NUP205: variants seen among roughly 807,000 people sequenced by gnomAD.
NUP205 encodes the protein nuclear pore complex protein Nup205.
A neutral mutation model predicts 253.8 loss-of-function variants in NUP205; 76 were observed. That is an observed-to-expected ratio of 0.30 (90% CI 0.25 to 0.36). The LOEUF (loss-of-function observed/expected upper bound fraction) is 0.36. Ranked by LOEUF, NUP205 falls within the 10% of genes least tolerant of loss-of-function variation. The pLI, the probability that NUP205 is intolerant of heterozygous loss-of-function variation, is 1.00. For missense variants in NUP205, 2,162 were observed against 2,425.5 expected (o/e 0.89, Z 2.28); for synonymous variants, 832 against 850.1 (o/e 0.98, Z 0.37).
At chr7:135,645,296 C>G (rs1794984875) in intron 40 of NUP205, among the ~76,000 whole-genome samples, 172 bp from the exon 41 acceptor site, 1 of 152,224 alleles carries the variant, frequency 6.6e-6, no homozygotes, top group Non-Finnish European at 1.5e-5. Flanking sequence ...CTTTCCTCAG[C>G]ACACCTTGCT....
intron 12 of NUP205, among the ~76,000 whole-genome samples, chr7:135,593,692 A>G (rs975975147): frequency 6.6e-6 from 1 of 152,184 alleles, no homozygotes; most frequent in African/African-American, 2.4e-5. Context: ...TCTGTTGTTC[A>G]CTAGAATAGT....
intron 3 of NUP205, among the ~76,000 whole-genome samples, chr7:135,574,736 T>G (rs946583028): frequency 1.3e-5 from 2 of 152,216 alleles, no homozygotes; most frequent in East Asian, 3.8e-4. Flanking sequence ...AGACATTACA[T>G]AATTCATTCT....
chr7:135,573,882 CAT>C (rs1806072629), intron 3 of NUP205, 57 bp downstream of exon 3: 1 of 1,341,566 alleles, frequency 7.5e-7, no homozygotes, highest in African/African-American at 1.5e-5. Flanking sequence ...TAAAATCACT[CAT>C]AGTTTAAAAT....
chr7:135,632,680 G>A (rs147794823), intron 35 of NUP205, among the ~76,000 whole-genome samples: 5 of 152,030 alleles, frequency 3.3e-5, no homozygotes, highest in Admixed American at 1.3e-4. Context: ...GGTGTGCTTC[G>A]TTCACCAGTT....
At chr7:135,575,743 T>A (rs1806133265) in intron 3 of NUP205, among the ~76,000 whole-genome samples, 1 of 151,956 alleles carries the variant, frequency 6.6e-6, no homozygotes, top group Non-Finnish European at 1.5e-5. Flanking sequence ...TGCAGTGAGA[T>A]CACGCCACTG....
intron 23 of NUP205, 106 bp from the exon 24 acceptor site, chr7:135,615,810 A>G: frequency 1.6e-6 from 1 of 619,792 alleles, no homozygotes; most frequent in Non-Finnish European, 2.5e-6. Flanking sequence ...TTCATAAATT[A>G]TTGACTTTGT....
chr7:135,603,530 GACA>G (rs779164265), intron 18 of NUP205, among the ~76,000 whole-genome samples: 21 of 146,700 alleles, frequency 1.4e-4, no homozygotes, highest in Non-Finnish European at 2.1e-4. Context: ...GTCTTTTTGA[GACA>G]ACATTTCGCT....
At chr7:135,616,615 T>G in intron 24 of NUP205, 40 bp from the exon 25 acceptor site, 1 of 1,194,124 alleles carries the variant, frequency 8.4e-7, no homozygotes, top group East Asian at 2.5e-5. Context: ...TAAGAGTATG[T>G]TCTTCTTTTT....
intron 1 of NUP205, among the ~76,000 whole-genome samples, chr7:135,560,672 C>T (rs1407922549): frequency 1.3e-5 from 2 of 152,158 alleles, no homozygotes; most frequent in Non-Finnish European, 1.5e-5. Flanking sequence ...AATCCTGTCA[C>T]ATAAAACAAC....
chr7:135,562,545 C>CTTTTTTTTTT (rs34482653), intron 1 of NUP205, among the ~76,000 whole-genome samples: 1 of 97,396 alleles, frequency 1.0e-5, no homozygotes, highest in African/African-American at 3.9e-5. Context: ...GACCAAAATC[C>CTTTTTTTTTT]TTTTTTTTTT....
At chr7:135,608,560 T>G (rs1050894756) in intron 22 of NUP205, among the ~76,000 whole-genome samples, 3 of 151,194 alleles carry the variant, frequency 2.0e-5, no homozygotes, top group Non-Finnish European at 4.4e-5. Context: ...ATACAAAAAT[T>G]AGCTGGGCGT....
chr7:135,570,700 A>ATATTTATAT (rs1165276962), intron 1 of NUP205, among the ~76,000 whole-genome samples: 7 of 76,124 alleles, frequency 9.2e-5, no homozygotes, highest in African/African-American at 2.7e-4. Context: ...TAATATAATT[A>ATATTTATAT]ATTATATTAA....
intron 1 of NUP205, among the ~76,000 whole-genome samples, chr7:135,564,035 C>A (rs1227442489): frequency 5.3e-5 from 8 of 151,764 alleles, no homozygotes; most frequent in Admixed American, 5.3e-4. Context: ...AAACTCAAGA[C>A]AGATTGAAGA....
chr7:135,594,544 T>C lies in NUP205; in HGVS notation c.1831-3T>C, dbSNP rs1223249113. 6.3e-7 allele frequency: 1 copy of C among 1,575,880 alleles called. No homozygotes were observed. On this transcript the variant is annotated splice_polypyrimidine_tract_variant and splice_region_variant and intron_variant, in intron 12 of 42. Coordinates refer to ENST00000285968, the MANE Select transcript of NUP205 (RefSeq NM_015135.3). ...GTCTCATTCTTTTTGTGTCAATTCT[T>C]AGAGTGAAAATGCTCGCTTGGCACT...
chr7:135,583,902 C>A (rs372257057), intron 7 of NUP205, among the ~76,000 whole-genome samples: 1 of 145,278 alleles, frequency 6.9e-6, no homozygotes, highest in Non-Finnish European at 1.5e-5. Context: ...CGTGCAATGG[C>A]GTGATCGTGG....
At chr7:135,640,354 AT>A (rs1794896637) in intron 38 of NUP205, among the ~76,000 whole-genome samples, 1 of 152,176 alleles carries the variant, frequency 6.6e-6, no homozygotes, top group Non-Finnish European at 1.5e-5. Context: ...TGTTGTTGTA[AT>A]TTATGTACAA....
intron 1 of NUP205, among the ~76,000 whole-genome samples, chr7:135,567,267 C>A (rs1291285386): frequency 7.0e-6 from 1 of 142,130 alleles, no homozygotes; most frequent in Non-Finnish European, 1.5e-5. Flanking sequence ...CCGTCCTCTC[C>A]CTGCACATCT....
intron 19 of NUP205, among the ~76,000 whole-genome samples, chr7:135,604,940 A>T (rs1794055575): frequency 6.6e-6 from 1 of 151,006 alleles, no homozygotes; most frequent in Non-Finnish European, 1.5e-5. Context: ...TCAAGTTATA[A>T]TAGTTCTGTT....
chr7:135,613,323 A>G (rs934191606), intron 22 of NUP205, among the ~76,000 whole-genome samples: 1 of 151,506 alleles, frequency 6.6e-6, no homozygotes, highest in Non-Finnish European at 1.5e-5. Flanking sequence ...ACTTTTTCTT[A>G]TATTTAATAT....
Sources: gnomAD v4.1 joint callset for allele counts (sites outside exome capture counted in the v4.1 genomes callset) on GRCh38, gnomAD v4.1.1 for gene constraint, MANE v1.5 for transcripts, NCBI Gene and HGNC (gene_info 2026-07-23, HGNC 2026-07-21) for gene names.